Variants in ARL15 observed in about 807,000 individuals in gnomAD.
ARL15 encodes the protein ARF like GTPase 15.
In ARL15, 19 loss-of-function variants were observed where a neutral mutation model predicts 25.2. The ratio of observed to expected loss-of-function variants is 0.75; its 90% CI spans 0.53 to 1.10. The LOEUF (loss-of-function observed/expected upper bound fraction) is 1.10. Ranked by LOEUF, ARL15 falls within the 50% of genes least tolerant of loss-of-function variation. The pLI is 0.00. For synonymous variants in ARL15, 94 were observed against 86.8 expected (o/e 1.08, Z -0.46); for missense variants, 220 against 246.0 (o/e 0.89, Z 0.71).
rs1027660519 is a variant in ARL15, at chr5:54,107,748, G to A, written c.462+5454C>T. On this transcript the variant is annotated intron_variant, in intron 4 of 4. Coordinates refer to ENST00000504924, the MANE Select transcript of ARL15 (RefSeq NM_019087.3). ...GGAAAGGAATGGGGGTTTTAAAAGA[G>A]AACATAATAAATTACTTTTTGTATA... is the stretch of plus-strand genomic sequence containing the variant. Among the ~76,000 whole-genome samples, 2 of 152,004 alleles carry A rather than the reference G, an allele frequency of 1.3e-5. 1 individual carries two copies. The highest frequency in any genetic ancestry group is 4.1e-4 in the South Asian group (2 of 4,824).
chr5:53,911,429 T>G (rs982819657), intron 4 of ARL15, among the ~76,000 whole-genome samples: 3 of 152,132 alleles, frequency 2.0e-5, no homozygotes, highest in Non-Finnish European at 4.4e-5. Context: ...GACTGTGATA[T>G]TTTCAGGTGA....
chr5:53,931,190 C>G (rs3797281), intron 4 of ARL15, among the ~76,000 whole-genome samples: 30,750 of 151,962 alleles, frequency 0.2, 3,173 homozygotes, highest in East Asian at 0.33. Context: ...TATGAAAAAA[C>G]GCAGGGAAAA....
intron 4 of ARL15, among the ~76,000 whole-genome samples, chr5:53,937,737 T>C (rs1408628433): frequency 6.6e-6 from 1 of 151,798 alleles, no homozygotes; most frequent in African/African-American, 2.4e-5. Context: ...GGTCACACAA[T>C]GGTGAAATCA....
chr5:54,033,682 A>C (rs2111908300), intron 4 of ARL15, among the ~76,000 whole-genome samples: 1 of 152,266 alleles, frequency 6.6e-6, no homozygotes, highest in South Asian at 2.1e-4. Flanking sequence ...CAAAAAAAAA[A>C]AAAAAGAAAG....
At chr5:53,943,345 C>A (rs1433163474) in intron 4 of ARL15, among the ~76,000 whole-genome samples, 1 of 151,892 alleles carries the variant, frequency 6.6e-6, no homozygotes, top group Non-Finnish European at 1.5e-5. Flanking sequence ...TTTATTTTCT[C>A]AGGGAAACAG....
intron 3 of ARL15, among the ~76,000 whole-genome samples, chr5:54,130,100 T>C (rs543432138): frequency 6.6e-6 from 1 of 152,150 alleles, no homozygotes; most frequent in South Asian, 2.1e-4. Context: ...CAGCCAGATA[T>C]GGTGGCACAT....
intron 4 of ARL15, among the ~76,000 whole-genome samples, chr5:53,908,246 G>GA (rs1360895854): frequency 6.6e-6 from 1 of 151,738 alleles, no homozygotes; most frequent in East Asian, 1.9e-4. Flanking sequence ...GTATATATAG[G>GA]AAAAAAATAT....
intron 4 of ARL15, among the ~76,000 whole-genome samples, chr5:53,925,916 G>A (rs1746003517): frequency 6.6e-6 from 1 of 151,706 alleles, no homozygotes; most frequent in East Asian, 1.9e-4. Flanking sequence ...AACATAGGAG[G>A]GATTCTCTGA....
At chr5:54,257,668 A>G (rs1160815503) in intron 1 of ARL15, among the ~76,000 whole-genome samples, 6 of 152,244 alleles carry the variant, frequency 3.9e-5, no homozygotes, top group African/African-American at 1.2e-4. Flanking sequence ...AATTAAAAAC[A>G]AATGCAAAAA....
chr5:54,035,171 T>A (rs989173900), intron 4 of ARL15, among the ~76,000 whole-genome samples: 1 of 152,194 alleles, frequency 6.6e-6, no homozygotes, highest in Admixed American at 6.5e-5. Context: ...CTGAATCATA[T>A]TCCTCAGTTA....
At chr5:53,926,616 TGAG>T (rs1386569005) in intron 4 of ARL15, among the ~76,000 whole-genome samples, 3 of 152,278 alleles carry the variant, frequency 2.0e-5, no homozygotes, top group Admixed American at 6.5e-5. Flanking sequence ...AAATTGACAG[TGAG>T]TGGCTTCCTC....
chr5:54,015,935 T>A lies in ARL15; in HGVS notation c.462+97267A>T, dbSNP rs562683091. Among the ~76,000 whole-genome samples, 7 of 152,350 alleles carry A rather than the reference T, an allele frequency of 4.6e-5. No individual in the cohort carries two copies. In the South Asian group the frequency reaches 1.5e-3, roughly 32 times the overall value. ...GCTCTATTACCAGAGAGACTTTATCTGCATAATAATACAACTTTTATTCAC... is the reference window on the plus strand; with the variant it reads ...GCTCTATTACCAGAGAGACTTTATCAGCATAATAATACAACTTTTATTCAC... On this transcript the variant is annotated intron_variant, in intron 4 of 4. Transcript: ENST00000504924.
intron 4 of ARL15, among the ~76,000 whole-genome samples, chr5:54,049,580 T>A (rs1410245755): frequency 6.6e-6 from 1 of 151,182 alleles, no homozygotes; most frequent in African/African-American, 2.4e-5. Context: ...AGGCAAACCA[T>A]TTGGTGACAC....
At chr5:53,991,106 G>A (rs752524071) in intron 4 of ARL15, among the ~76,000 whole-genome samples, 13 of 152,106 alleles carry the variant, frequency 8.5e-5, no homozygotes, top group African/African-American at 3.1e-4. Flanking sequence ...TGAATTGAAT[G>A]TACTGGAACT....
intron 1 of ARL15, among the ~76,000 whole-genome samples, chr5:54,298,655 C>T (rs915144954): frequency 2.6e-5 from 4 of 152,200 alleles, no homozygotes; most frequent in Admixed American, 6.5e-5. Flanking sequence ...CTCCACTAAT[C>T]GGCACCGCAA....
rs562771160 is a variant in ARL15, at chr5:54,099,371, C to A, written c.462+13831G>T. On this transcript the variant is annotated intron_variant, in intron 4 of 4. Coordinates refer to ENST00000504924, the MANE Select transcript of ARL15 (RefSeq NM_019087.3). The stretch of plus-strand genomic sequence containing the variant: ...TTCCTCATAACTAGAGAGAAAAGTA[C>A]ATTTTATCGGCTAATGATTAAAAAA... Among the ~76,000 whole-genome samples the A allele has an allele frequency of 2.5e-4, 38 of 151,980 alleles. 1 individual carries two copies. The South Asian group carries it at 7.9e-3, about 32-fold the overall frequency.
chr5:54,179,832 A>G (rs983156168), intron 1 of ARL15, among the ~76,000 whole-genome samples: 6 of 152,026 alleles, frequency 3.9e-5, no homozygotes, highest in Non-Finnish European at 8.8e-5. Context: ...AGCCTGGCCA[A>G]CGTGGTGAGA....
chr5:54,044,282 C>T (rs900934200), intron 4 of ARL15, among the ~76,000 whole-genome samples: 3 of 131,386 alleles, frequency 2.3e-5, no homozygotes, highest in Non-Finnish European at 3.1e-5. Flanking sequence ...CTTATTCTGT[C>T]GCCCAGGCTG....
intron 1 of ARL15, chr5:54,282,272 G>C: frequency 1.0e-6 from 1 of 985,370 alleles, no homozygotes. Context: ...ATTGCTTACC[G>C]TGTAAATCCC....
Sources: gnomAD v4.1 joint callset for allele counts (sites outside exome capture counted in the v4.1 genomes callset) on GRCh38, gnomAD v4.1.1 for gene constraint, MANE v1.5 for transcripts, NCBI Gene and HGNC (gene_info 2026-07-23, HGNC 2026-07-21) for gene names.